C7: variants seen among roughly 807,000 people sequenced by gnomAD.
C7 encodes complement C7.
Under a neutral mutation model 104.8 loss-of-function variants are expected in C7, and 83 were observed. That is an observed-to-expected ratio of 0.79 (90% CI 0.66 to 0.95). The LOEUF is 0.95. Among genes scored for constraint, C7 ranks in the 40% least tolerant of loss-of-function variants. C7 has a pLI of 0.00. For synonymous variants in C7, 415 were observed against 360.6 expected (o/e 1.15, Z -1.71); for missense variants, 1,070 against 1,011.2 (o/e 1.06, Z -0.79).
intron 10 of C7, among the ~76,000 whole-genome samples, chr5:40,955,948 C>T (rs1022031293): frequency 2.0e-5 from 3 of 152,086 alleles, no homozygotes; most frequent in African/African-American, 7.2e-5. Context: ...GGCTTGTGGG[C>T]TCCTGAAGTC....
chr5:40,914,717 T>C lies in C7; in HGVS notation c.6+5101T>C, dbSNP rs1739283667. ...TCTATGCAATATTACAAAGAGAGTA[T>C]TCCCAAATCTGTTTGGTAACCCTTG... On this transcript the variant is annotated intron_variant, in intron 1 of 17. Coordinates refer to ENST00000313164, the MANE Select transcript of C7 (RefSeq NM_000587.4). Among the ~76,000 whole-genome samples, 3 of 152,306 alleles carry C rather than the reference T, an allele frequency of 2.0e-5. 1 individual carries two copies. In the South Asian group the frequency reaches 6.2e-4, roughly 32 times the overall value.
intron 2 of C7, among the ~76,000 whole-genome samples, chr5:40,929,294 G>C (rs3792633): frequency 0.12 from 18,560 of 152,194 alleles, 1,309 homozygotes; most frequent in South Asian, 0.16. Context: ...GGTGATGTGA[G>C]AGCACAGCAG....
chr5:40,969,354 T>G (rs1282626959), intron 14 of C7, among the ~76,000 whole-genome samples: 1 of 152,208 alleles, frequency 6.6e-6, no homozygotes, highest in Non-Finnish European at 1.5e-5. Context: ...AGGGCCTGTA[T>G]CTGTTAATTT....
In C7 at chr5:40,983,049, A is replaced by G. The variant is rs933851744; in HGVS notation, c.*1476A>G. On this transcript the variant is annotated 3_prime_UTR_variant, in exon 18 of 18. Coordinates refer to ENST00000313164, the MANE Select transcript of C7 (RefSeq NM_000587.4). ...ATCCAGATCTAGCTTTTTGTATCAAAGTGTGCCCTAAGGGAAGATGCAGAT... is the reference window on the plus strand; with the variant it reads ...ATCCAGATCTAGCTTTTTGTATCAAGGTGTGCCCTAAGGGAAGATGCAGAT... 6.6e-6 allele frequency: 1 copy of G among 152,344 alleles called. No homozygotes were observed. Among genetic ancestry groups the G allele is most frequent in the South Asian group, 2.1e-4 (1 of 4,838 alleles). 9.4% of individuals were successfully genotyped at this position (152,344 alleles called of 1,614,324 possible). A position where few individuals can be genotyped will look rare whatever the true frequency, so the allele number is the denominator to read the frequency against.
chr5:40,965,996 C>T (rs71582497), intron 14 of C7, among the ~76,000 whole-genome samples: 31,245 of 151,818 alleles, frequency 0.21, 3,920 homozygotes, highest in South Asian at 0.4. Flanking sequence ...TTCATATGTT[C>T]GTTAGCCATT....
intron 6 of C7, among the ~76,000 whole-genome samples, chr5:40,943,656 T>G (rs1450860116): frequency 6.6e-6 from 1 of 151,484 alleles, no homozygotes; most frequent in African/African-American, 2.4e-5. Context: ...AATATATATG[T>G]GTGTATGTGT....
intron 9 of C7, among the ~76,000 whole-genome samples, chr5:40,951,568 A>G (rs1740171155): frequency 6.6e-6 from 1 of 152,220 alleles, no homozygotes; most frequent in African/African-American, 2.4e-5. Flanking sequence ...TCAGTATCAC[A>G]TAATCCACCC....
intron 6 of C7, among the ~76,000 whole-genome samples, chr5:40,940,436 G>A (rs1421959987): frequency 6.6e-6 from 1 of 152,176 alleles, no homozygotes; most frequent in Non-Finnish European, 1.5e-5. Flanking sequence ...ATGAATTGCA[G>A]AAGGGAATGA....
rs773940240 is a variant in C7, at chr5:40,958,209, G to A, written c.1437G>A (p.Pro479=). Reference sequence around the variant, plus strand: ...CCCATTGTCTGTGCCATTGCAAACCGTACACATTTGGTGCGGCGTGTGAGC... The same window carrying A: ...CCCATTGTCTGTGCCATTGCAAACCATACACATTTGGTGCGGCGTGTGAGC... ...EGTHCLCHCK[P]YTFGAACEQG... Residue 479 remains proline (P), a synonymous_variant, in exon 11 of 18, where the codon CCG becomes CCA. Coordinates refer to ENST00000313164, the MANE Select transcript of C7 (RefSeq NM_000587.4). 12 of 1,613,060 alleles carry A rather than the reference G, an allele frequency of 7.4e-6. No individual in the cohort carries two copies. The highest frequency in any genetic ancestry group is 4.5e-5 in the East Asian group (2 of 44,884).
At chr5:40,961,527 G>A (rs1740420863) in intron 12 of C7, among the ~76,000 whole-genome samples, 1 of 152,036 alleles carries the variant, frequency 6.6e-6, no homozygotes, top group East Asian at 1.9e-4. Context: ...TGGGATTACA[G>A]ATGTGCACCA....
intron 14 of C7, among the ~76,000 whole-genome samples, chr5:40,966,611 T>A (rs955160108): frequency 2.0e-5 from 3 of 152,062 alleles, no homozygotes; most frequent in South Asian, 2.1e-4. Flanking sequence ...ACTCCTGACC[T>A]CGTGATCTGC....
rs148181765 is a variant in C7 at position 40,939,769 on chromosome 5, G to A, written c.567+2079G>A. Among the ~76,000 whole-genome samples, 48 of 152,320 alleles carry A rather than the reference G, an allele frequency of 3.2e-4. 1 individual carries two copies. In the East Asian group the frequency reaches 7.5e-3, roughly 24 times the overall value. On this transcript the variant is annotated intron_variant, in intron 6 of 17. Transcript: ENST00000313164. ...AGCAGAGAAAATAATAAGAAAGAGC[G>A]TTTCTGACTTCGTTGGAAGGTAGAC...
intron 11 of C7, among the ~76,000 whole-genome samples, chr5:40,959,151 CTG>C (rs1303353633): frequency 7.2e-5 from 11 of 152,172 alleles, no homozygotes; most frequent in African/African-American, 2.7e-4. Context: ...CCTCCATTCA[CTG>C]TTGTGAGAAG....
rs768866511 is a variant in C7 at position 40,979,747 on chromosome 5, C to T, written c.2188C>T (p.Gln730Ter). 1.9e-6 allele frequency: 3 copies of T among 1,612,910 alleles called. No homozygotes were observed. The highest frequency in any genetic ancestry group is 2.5e-6 in the Non-Finnish European group (3 of 1,179,304). The change falls in exon 17 of 18, where the codon CAA (glutamine) becomes TAA (stop). Residue 730 changes from glutamine to a stop codon, truncating the protein, a stop_gained. Coordinates refer to ENST00000313164, the MANE Select transcript of C7 (RefSeq NM_000587.4). LOFTEE classifies it high-confidence loss of function. ...ECGPSLDVCA[Q>*]DERSKRILPL... is the part of the protein sequence containing the mutation. ...CAGACCTTCCTTGGATGTATGTGCT[C>T]AAGATGAGAGAAGCAAAAGGATACT...
intron 14 of C7, among the ~76,000 whole-genome samples, chr5:40,968,600 ATTTTTTTTTTTTTTT>A (rs70988826): frequency 1.0e-3 from 26 of 25,444 alleles, no homozygotes; most frequent in South Asian, 1.2e-3. Context: ...ATATATATAT[ATTTTTTTTTTTTTTT>A]TTTTTTTTTT....
At chr5:40,922,848 T>C (rs1481610797) in intron 1 of C7, among the ~76,000 whole-genome samples, 1 of 152,130 alleles carries the variant, frequency 6.6e-6, no homozygotes, top group Non-Finnish European at 1.5e-5. Flanking sequence ...TAGACTTAAA[T>C]GTAAAATGTG....
At position 40,947,763 on chromosome 5, in the gene C7, G is replaced by C; in HGVS notation, c.900G>C (p.Gly300=). The C allele has an allele frequency of 6.2e-7, 1 of 1,613,720 alleles. No homozygotes were observed. The highest frequency in any genetic ancestry group is 8.5e-7 in the Non-Finnish European group (1 of 1,179,716). The change falls in exon 8 of 18, where the codon GGG becomes GGC. Residue 300 remains glycine (G), a synonymous_variant. Transcript: ENST00000313164. ...ACCGAAGATTAATCGACCAGTACGG[G>C]ACACATTATCTGCAATCTGGGTCGT... ...SAYRRLIDQY[G]THYLQSGSLG...
chr5:40,974,357 C>A (rs1361430311), intron 15 of C7, among the ~76,000 whole-genome samples: 5 of 148,994 alleles, frequency 3.4e-5, no homozygotes, highest in Non-Finnish European at 7.4e-5. Flanking sequence ...TTCTTAAATG[C>A]AAAAATTCTT....
chr5:40,934,532 C>A, intron 4 of C7, 66 bp downstream of exon 4: 3 of 1,479,684 alleles, frequency 2.0e-6, no homozygotes, highest in South Asian at 1.2e-5. Flanking sequence ...TGAACTTGCT[C>A]GTTATATATT....
Sources: allele counts gnomAD v4.1 joint callset (sites outside exome capture counted in the v4.1 genomes callset), GRCh38; gene constraint gnomAD v4.1.1; transcripts MANE v1.5; gene names NCBI Gene and HGNC (gene_info 2026-07-23, HGNC 2026-07-21).